The following ABCA7 variants were observed in gnomAD, a reference collection of about 807,000 sequenced individuals.
ABCA7 encodes the protein ATP binding cassette subfamily A member 7.
Under a neutral mutation model 227.6 loss-of-function variants are expected in ABCA7, and 261 were observed. The observed-to-expected ratio is 1.15, with a 90% CI of 1.04 to 1.27. The LOEUF (loss-of-function observed/expected upper bound fraction) is 1.27. Among genes scored for constraint, ABCA7 ranks in the 50% most tolerant of loss-of-function variants. ABCA7 has a pLI of 0.00. For synonymous variants in ABCA7, 1,488 were observed against 1,279.7 expected, an observed-to-expected ratio of 1.16 and a Z score of -3.47; for missense variants, 3,331 against 2,924.5, an observed-to-expected ratio of 1.14 and a Z score of -3.21.
intron 40 of ABCA7, among the ~76,000 whole-genome samples, chr19:1,060,207 A>ATATATATATATATATATATATATATATAT: frequency 1.0e-5 from 1 of 96,768 alleles, no homozygotes; most frequent in African/African-American, 3.5e-5. Context: ...ATATATATAT[A>ATATATATATATATATATATATATATATAT]TTTTTTTTTC....
At position 1,043,077 on chromosome 19, in the gene ABCA7, C is replaced by G. The variant is rs1446183714; in HGVS notation, c.616C>G (p.Leu206Val). Residue 206 changes from leucine (L) to valine (V), a missense_variant, in exon 8 of 47, where the codon CTG becomes GTG. Physicochemically the swap from Leu to Val is conservative, Grantham distance 32. Transcript: ENST00000263094. ...ALRSLVELRALLQRPRGTSGP... is the reference protein window; with the variant it reads ...ALRSLVELRAVLQRPRGTSGP... ...GCGCAGCCTGGTGGAGCTTCGGGCA[C>G]TGCTGCAGAGACCCCGAGGGACCAG... 3.1e-6 allele frequency: 5 copies of G among 1,611,462 alleles called. No individual in the cohort carries two copies. Among genetic ancestry groups the G allele is most frequent in the Non-Finnish European group, 4.2e-6 (5 of 1,178,834 alleles).
In ABCA7 at chr19:1,058,758, T is replaced by C; in HGVS notation, c.5279+11T>C. 1.9e-6 allele frequency: 3 copies of C among 1,610,838 alleles called. No homozygotes were observed. Among genetic ancestry groups the C allele is most frequent in the Non-Finnish European group, 2.5e-6 (3 of 1,178,294 alleles). ...CCAACTCCTGCCACAGTTAGTGAGG[T>C]CTATGGAGAGGGTGGCAGGGGCCAA... On this transcript the variant is annotated intron_variant, in intron 38 of 46. Coordinates refer to ENST00000263094, the MANE Select transcript of ABCA7 (RefSeq NM_019112.4).
In ABCA7 at chr19:1,063,863, G is replaced by A. The variant is rs1408279692; in HGVS notation, c.5951G>A (p.Ser1984Asn). ...EGRSVMLTSHSMEECEALCSR... is the reference protein window; with the variant it reads ...EGRSVMLTSHNMEECEALCSR... ...CGTTCAGTGATGCTCACCTCCCATA[G>A]GTGGGCCGGGCTCTGATGCCCTGGG... Residue 1984 changes from serine to asparagine, a missense_variant and splice_region_variant, in exon 44 of 47, where the codon AGC becomes AAC. Physicochemically the swap from Ser to Asn is conservative, Grantham distance 46. Transcript: ENST00000263094. 6.5e-7 allele frequency: 1 copy of A among 1,530,510 alleles called. No individual in the cohort carries two copies. Among genetic ancestry groups the A allele is most frequent in the Non-Finnish European group, 8.8e-7 (1 of 1,138,808 alleles). 94.8% of individuals were successfully genotyped at this position (1,530,510 alleles called of 1,614,324 possible). A position where few individuals can be genotyped will look rare whatever the true frequency, so the allele number is the denominator to read the frequency against.
Position 1,047,371 on chromosome 19 carries a change from T to C in ABCA7, c.2060T>C (p.Val687Ala). The change falls in exon 15 of 47, where the codon GTG becomes GCG. Residue 687 changes from valine (V) to alanine (A), a missense_variant. Transcript: ENST00000263094. ...GACCGGCTGCCCGCGGGTGGCCGCG[T>C]GGCCGCGGTGAGAGCCGGGTCGGGC... ...WRDRLPAGGR[V>A]AASLLSPVAF... The C allele has an allele frequency of 6.4e-7, 1 of 1,567,684 alleles. No homozygotes were observed. Among genetic ancestry groups the C allele is most frequent in the South Asian group, 1.1e-5 (1 of 87,862 alleles).
chr19:1,059,198 G>A, intron 40 of ABCA7, 113 bp downstream of exon 40: 1 of 1,046,612 alleles, frequency 9.6e-7, no homozygotes, highest in Non-Finnish European at 1.3e-6. Context: ...CTTTTATTGG[G>A]CACCTACTGT....
rs369072404 is a variant in ABCA7, at chr19:1,049,345, G to C, written c.2460G>C (p.Pro820=). The C allele has an allele frequency of 1.2e-6, 2 of 1,611,534 alleles. No homozygotes were observed. Among genetic ancestry groups the C allele is most frequent in the Admixed American group, 1.7e-5 (1 of 59,940 alleles). The change falls in exon 18 of 47, where the codon CCG becomes CCC. Residue 820 remains proline, a synonymous_variant. Coordinates refer to ENST00000263094, the MANE Select transcript of ABCA7 (RefSeq NM_019112.4). ...RSLEKRFPGS[P]QPALRGLSLD... ...TGGAGAAGCGCTTTCCTGGAAGCCC[G>C]CAGCCAGCCCTGCGGGGGCTCAGCC...
Position 1,054,180 on chromosome 19 carries a change from T to C in ABCA7, c.3578-13T>C. 1 of 1,610,626 alleles carries C rather than the reference T, an allele frequency of 6.2e-7. No individual in the cohort carries two copies. On this transcript the variant is annotated splice_polypyrimidine_tract_variant and intron_variant, in intron 26 of 46. Transcript: ENST00000263094. The surrounding 1 kb of genome is among the most constrained non-coding windows in gnomAD (Gnocchi z 4.8). ...CACAGCAGCGTGAGCACTGACCCTC[T>C]CATCCCTCACAGCTGGGTCAGCCCC...
Position 1,063,876 on chromosome 19 carries a change from C to T in ABCA7, c.5951+13C>T. 2 of 1,521,478 alleles carry T rather than the reference C, an allele frequency of 1.3e-6. No homozygotes were observed. Among genetic ancestry groups the T allele is most frequent in the Non-Finnish European group, 1.8e-6 (2 of 1,133,910 alleles). 94.2% of individuals were successfully genotyped at this position (1,521,478 alleles called of 1,614,324 possible). On this transcript the variant is annotated intron_variant, in intron 44 of 46. Transcript: ENST00000263094. ...TCACCTCCCATAGGTGGGCCGGGCT[C>T]TGATGCCCTGGGCTGTGGTTAAGGT...
intron 9 of ABCA7, 85 bp downstream of exon 9, chr19:1,043,558 C>T (rs933091199): frequency 3.1e-6 from 5 of 1,598,606 alleles, no homozygotes; most frequent in South Asian, 2.2e-5. Flanking sequence ...AGGGCCAGGC[C>T]GGAGGGTCAC....
Position 1,058,887 on chromosome 19 carries a change from G to A in ABCA7, c.5347G>A (p.Val1783Met). The A allele has an allele frequency of 6.3e-7, 1 of 1,583,684 alleles. No homozygotes were observed. Among genetic ancestry groups the A allele is most frequent in the Admixed American group, 1.7e-5 (1 of 58,342 alleles). The change falls in exon 39 of 47, where the codon GTG becomes ATG. Residue 1783 changes from valine (V) to methionine (M), a missense_variant. Coordinates refer to ENST00000263094, the MANE Select transcript of ABCA7 (RefSeq NM_019112.4). ...DEDVARERER[V>M]VQGATQGDVL... ...GGATGTAGCCCGTGAACGGGAGCGG[G>A]TGGTCCAAGGAGCCACCCAGGGGGA...
At chr19:1,060,208 TTTTTTTTTC>T (rs2042564899) in intron 40 of ABCA7, among the ~76,000 whole-genome samples, 1 of 118,714 alleles carries the variant, frequency 8.4e-6, no homozygotes, top group Non-Finnish European at 1.8e-5. Context: ...TATATATATA[TTTTTTTTTC>T]TTTTTTTTTC....
intron 40 of ABCA7, among the ~76,000 whole-genome samples, chr19:1,060,302 C>T (rs1181603144): frequency 6.6e-6 from 1 of 151,914 alleles, no homozygotes; most frequent in Non-Finnish European, 1.5e-5. Context: ...ACCTCCGCCT[C>T]CCAGGTTCAA....
At chr19:1,063,520 G>GCTA (rs778931491) in intron 42 of ABCA7, 24 bp from the exon 43 acceptor site, 8 of 1,607,788 alleles carry the variant, frequency 5.0e-6, no homozygotes, top group Non-Finnish European at 5.1e-6. Context: ...GAGTCCCCAT[G>GCTA]CCTACTCTGG....
At position 1,049,287 on chromosome 19, in the gene ABCA7, C is replaced by A. The variant is rs776624750; in HGVS notation, c.2402C>A (p.Pro801His). Residue 801 changes from proline to histidine, a missense_variant, in exon 18 of 47, where the codon CCC becomes CAC. Physicochemically the swap from Pro to His is moderately conservative, Grantham distance 77. Transcript: ENST00000263094. ...DPKVLVEEAP[P>H]GLSPGVSVRS... Reference sequence around the variant, plus strand: ...GCAGTGCTGGTAGAAGAGGCACCGCCCGGCCTGAGTCCTGGCGTCTCCGTT... The same window carrying A: ...GCAGTGCTGGTAGAAGAGGCACCGCACGGCCTGAGTCCTGGCGTCTCCGTT... 10 of 1,609,104 alleles carry A rather than the reference C, an allele frequency of 6.2e-6. No homozygotes were observed. The highest frequency in any genetic ancestry group is 2.2e-5 in the South Asian group (2 of 90,830).
chr19:1,053,004 C>T (rs1488452029), intron 23 of ABCA7, among the ~76,000 whole-genome samples: 1 of 152,134 alleles, frequency 6.6e-6, no homozygotes, highest in Non-Finnish European at 1.5e-5. Flanking sequence ...AGCATTTCTC[C>T]TCCCTCAGCC....
At position 1,049,005 on chromosome 19, in the gene ABCA7, G is replaced by A. The variant is rs2041075096; in HGVS notation, c.2380G>A (p.Val794Met). ...TTGCCCCACCCCGCTGGACCCAAAG[G>A]GTGAGGCACTACGAGGCTTAATAGC... The part of the protein sequence containing the change: ...APCPTPLDPK[V>M]LVEEAPPGLS... The change falls in exon 17 of 47, where the codon GTG becomes ATG. Residue 794 changes from valine (V) to methionine (M), a missense_variant and splice_region_variant. Physicochemically the swap from Val to Met is conservative, Grantham distance 21 (BLOSUM62 1). Coordinates refer to ENST00000263094, the MANE Select transcript of ABCA7 (RefSeq NM_019112.4). 1.3e-6 allele frequency: 2 copies of A among 1,575,054 alleles called. No individual in the cohort carries two copies. The highest frequency in any genetic ancestry group is 8.6e-7 in the Non-Finnish European group (1 of 1,157,534).
At chr19:1,048,593 A>G (rs2040992126) in intron 16 of ABCA7, among the ~76,000 whole-genome samples, 1 of 149,738 alleles carries the variant, frequency 6.7e-6, no homozygotes, top group Non-Finnish European at 1.5e-5. Flanking sequence ...GCAGATCACG[A>G]GGTCAGGAGA....
In ABCA7 at chr19:1,058,230, G is replaced by C; in HGVS notation, c.5110G>C (p.Val1704Leu). ...FCLGRGLIDM[V>L]RNQAMADAFE... Reference sequence around the variant, plus strand: ...CTTGGGCCGGGGGCTCATTGACATGGTGCGGAACCAGGCCATGGCTGATGC... The same window carrying C: ...CTTGGGCCGGGGGCTCATTGACATGCTGCGGAACCAGGCCATGGCTGATGC... The change falls in exon 37 of 47, where the codon GTG becomes CTG. Residue 1704 changes from valine (V) to leucine (L), a missense_variant. Transcript: ENST00000263094. 6.2e-7 allele frequency: 1 copy of C among 1,613,636 alleles called. No homozygotes were observed. Among genetic ancestry groups the C allele is most frequent in the East Asian group, 2.2e-5 (1 of 44,844 alleles).
Position 1,048,971 on chromosome 19 carries a change from T to G in ABCA7, c.2346T>G (p.Ser782Arg). Residue 782 changes from serine to arginine, a missense_variant, in exon 17 of 47, where the codon AGT (serine) becomes AGG (arginine). Ser to Arg is a moderately radical substitution (Grantham distance 110). Coordinates refer to ENST00000263094, the MANE Select transcript of ABCA7 (RefSeq NM_019112.4). ...SYWCGPRPPK[S>R]PAPCPTPLDP... is the part of the protein sequence containing the mutation. ...GGTGCGGACCTCGGCCCCCCAAGAG[T>G]CCAGCCCCTTGCCCCACCCCGCTGG... 1 of 1,603,190 alleles carries G rather than the reference T, an allele frequency of 6.2e-7. No individual in the cohort carries two copies. The highest frequency in any genetic ancestry group is 8.5e-7 in the Non-Finnish European group (1 of 1,175,640).
Sources: allele counts gnomAD v4.1 joint callset (sites outside exome capture counted in the v4.1 genomes callset), GRCh38; gene constraint gnomAD v4.1.1; non-coding constraint Gnocchi (gnomAD v3.1); transcripts MANE v1.5; gene names NCBI Gene and HGNC (gene_info 2026-07-23, HGNC 2026-07-21).